The following ZFHX3 variants were observed in gnomAD, a reference collection of about 807,000 sequenced individuals.
ZFHX3 encodes the protein zinc finger homeobox 3.
In ZFHX3, 42 loss-of-function variants were observed where a neutral mutation model predicts 279.1. The ratio of observed to expected loss-of-function variants is 0.15; its 90% confidence interval spans 0.12 to 0.19. The LOEUF (loss-of-function observed/expected upper bound fraction) is 0.19, where lower values mean the gene tolerates loss of function less well. Among genes scored for constraint, ZFHX3 ranks in the 10% least tolerant of loss-of-function variants. ZFHX3 has a pLI of 1.00. For synonymous variants in ZFHX3, 2,293 were observed against 1,957.8 expected (o/e 1.17, Z -4.52); for missense variants, 4,981 against 4,754.0 (o/e 1.05, Z -1.40).
At chr16:73,158,600 G>C (rs1317630914) in intron 5 of ZFHX3, among the ~76,000 whole-genome samples, 5 of 152,056 alleles carry the variant, frequency 3.3e-5, no homozygotes, top group African/African-American at 9.7e-5. Flanking sequence ...AGATTCTTTA[G>C]GTAGGATTGA....
chr16:72,829,094 T>C (rs187188819), intron 5 of ZFHX3, among the ~76,000 whole-genome samples: 69 of 151,894 alleles, frequency 4.5e-4, no homozygotes, highest in Non-Finnish European at 2.8e-4. Flanking sequence ...CAACCTCCAG[T>C]TGAGGGTTCA....
intron 5 of ZFHX3, among the ~76,000 whole-genome samples, chr16:73,163,683 T>C (rs1439321930): frequency 3.5e-4 from 53 of 152,152 alleles, no homozygotes; most frequent in Admixed American, 3.4e-3. Flanking sequence ...TTTCCTGCAA[T>C]GTTTGTGTGT....
intron 8 of ZFHX3, among the ~76,000 whole-genome samples, chr16:73,087,354 C>A (rs112045768): frequency 6.6e-5 from 10 of 152,086 alleles, no homozygotes; most frequent in Admixed American, 5.9e-4. Context: ...ACGTACCCAG[C>A]GGGACAACAA....
intron 1 of ZFHX3, among the ~76,000 whole-genome samples, chr16:73,877,536 T>A (rs187893431): frequency 3.3e-5 from 5 of 152,310 alleles, no homozygotes; most frequent in Admixed American, 2.0e-4. Flanking sequence ...GAAAACTTAA[T>A]CCTGATATTG....
At chr16:73,814,380 C>T (rs1036662100) in intron 1 of ZFHX3, among the ~76,000 whole-genome samples, 12 of 152,062 alleles carry the variant, frequency 7.9e-5, no homozygotes, top group African/African-American at 2.4e-4. Context: ...TAGCCAATCA[C>T]AGCTTTCAGA....
chr16:72,873,313 A>G (rs80201075), intron 4 of ZFHX3, among the ~76,000 whole-genome samples: 2,502 of 152,372 alleles, frequency 0.016, 33 homozygotes, highest in South Asian at 0.037. Context: ...AGGGGAAAGA[A>G]TGCCTCTGAA....
intron 3 of ZFHX3, among the ~76,000 whole-genome samples, chr16:72,927,495 G>A (rs1488323266): frequency 1.3e-5 from 2 of 152,218 alleles, no homozygotes; most frequent in African/African-American, 2.4e-5. Context: ...GATGGGGGAA[G>A]TGACATCACA....
intron 2 of ZFHX3, among the ~76,000 whole-genome samples, chr16:73,544,918 T>C (rs1364012818): frequency 6.6e-6 from 1 of 152,138 alleles, no homozygotes; most frequent in African/African-American, 2.4e-5. Flanking sequence ...GTGCTAGTCG[T>C]GCCAAGTCAA....
At chr16:72,814,360 T>A (rs976606914) in intron 5 of ZFHX3, among the ~76,000 whole-genome samples, 1 of 152,088 alleles carries the variant, frequency 6.6e-6, no homozygotes, top group African/African-American at 2.4e-5. Flanking sequence ...ATGGAATGAG[T>A]CAATTGTGCA....
intron 2 of ZFHX3, among the ~76,000 whole-genome samples, chr16:73,627,148 AT>A (rs1175394793): frequency 6.6e-6 from 1 of 152,200 alleles, no homozygotes; most frequent in African/African-American, 2.4e-5. Flanking sequence ...AGCAAAGAAA[AT>A]TTCACTAAAG....
chr16:73,619,163 T>G (rs1327027629), intron 2 of ZFHX3, among the ~76,000 whole-genome samples: 1 of 152,016 alleles, frequency 6.6e-6, no homozygotes, highest in Admixed American at 6.6e-5. Context: ...ATATAAATGT[T>G]AATAAAAATA....
At chr16:73,668,753 G>C (rs1402808342) in intron 2 of ZFHX3, among the ~76,000 whole-genome samples, 2 of 151,844 alleles carry the variant, frequency 1.3e-5, no homozygotes, top group African/African-American at 4.8e-5. Context: ...GTGGGCAAAG[G>C]ATATGAACAG....
In ZFHX3 at chr16:72,810,336, C is replaced by G. The variant is rs137887746; in HGVS notation, c.3864+1241G>C. ...TAGTAGCTGGGATTACAGGAACCCACCACCATGCCTGGCTAATTTTTGTAT... is the reference window on the plus strand; with the variant it reads ...TAGTAGCTGGGATTACAGGAACCCAGCACCATGCCTGGCTAATTTTTGTAT... On this transcript the variant is annotated intron_variant, in intron 7 of 9. Transcript: ENST00000268489. Among the ~76,000 whole-genome samples, 702 of 152,284 alleles carry G rather than the reference C, an allele frequency of 4.6e-3. 10 individuals carry two copies. Among genetic ancestry groups the G allele is most frequent in the African/African-American group, 0.015 (636 of 41,556 alleles).
chr16:73,232,483 A>C (rs2012807900), intron 5 of ZFHX3: 1 of 152,256 alleles, frequency 6.6e-6, no homozygotes, highest in Admixed American at 6.5e-5. Context: ...AAGCACCTCA[A>C]AACCAAGGAA....
intron 1 of ZFHX3, among the ~76,000 whole-genome samples, chr16:73,871,586 C>A (rs2029862456): frequency 6.6e-6 from 1 of 151,980 alleles, no homozygotes; most frequent in African/African-American, 2.4e-5. Flanking sequence ...TGCATCCAAG[C>A]AGTCATCTCC....
intron 3 of ZFHX3, among the ~76,000 whole-genome samples, chr16:73,430,728 A>G (rs2017895476): frequency 6.6e-6 from 1 of 152,164 alleles, no homozygotes; most frequent in South Asian, 2.1e-4. Flanking sequence ...TGAACAGGGG[A>G]GGTGACACAT....
intron 1 of ZFHX3, among the ~76,000 whole-genome samples, chr16:73,789,201 G>A (rs935887688): frequency 2.0e-5 from 3 of 150,980 alleles, no homozygotes; most frequent in African/African-American, 7.3e-5. Flanking sequence ...TTTTTTTTGA[G>A]ATGGAGTCTC....
intron 1 of ZFHX3, among the ~76,000 whole-genome samples, chr16:73,847,153 T>A (rs554872759): frequency 6.6e-5 from 10 of 152,010 alleles, no homozygotes; most frequent in African/African-American, 2.4e-4. Context: ...AATACAAAAT[T>A]AGCCAGGCAT....
chr16:73,035,173 A>C (rs141281808), intron 1 of ZFHX3, among the ~76,000 whole-genome samples: 1 of 152,318 alleles, frequency 6.6e-6, no homozygotes, highest in East Asian at 1.9e-4. Flanking sequence ...GGGATGTAAA[A>C]TATCTCATTA....
Sources: gnomAD v4.1 joint callset for allele counts (sites outside exome capture counted in the v4.1 genomes callset) on GRCh38, gnomAD v4.1.1 for gene constraint, MANE v1.5 for transcripts, NCBI Gene and HGNC (gene_info 2026-07-23, HGNC 2026-07-21) for gene names.